The following GRID2 variants were observed in gnomAD, a reference collection of about 807,000 sequenced individuals.
GRID2 encodes glutamate ionotropic receptor delta type subunit 2.
GRID2 carries 33 observed loss-of-function variants against 114.8 expected under a neutral mutation model. The ratio of observed to expected loss-of-function variants is 0.29; its 90% CI spans 0.22 to 0.38. GRID2 has a LOEUF of 0.38. GRID2 is among the 10% of genes least tolerant of loss of function. GRID2 has a pLI of 1.00. For synonymous variants in GRID2, 505 were observed against 449.9 expected, an observed-to-expected ratio of 1.12 and a Z score of -1.55; for missense variants, 1,184 against 1,257.7, an observed-to-expected ratio of 0.94 and a Z score of 0.89.
chr4:93,678,961 C>T (rs1725212431), intron 14 of GRID2, among the ~76,000 whole-genome samples: 1 of 150,890 alleles, frequency 6.6e-6, no homozygotes, highest in Admixed American at 6.6e-5. Context: ...CTGAATCCTC[C>T]AATTAAAAGA....
In GRID2 at chr4:93,707,967, T is replaced by A. The variant is rs569272953; in HGVS notation, c.2361-61243T>A. Among the ~76,000 whole-genome samples, 9 of 152,116 alleles carry A rather than the reference T, an allele frequency of 5.9e-5. No homozygotes were observed. In the South Asian group the frequency reaches 1.9e-3, roughly 31 times the overall value. On this transcript the variant is annotated intron_variant, in intron 14 of 15. Coordinates refer to ENST00000282020, the MANE Select transcript of GRID2 (RefSeq NM_001510.4). ...TGACCCCACTGATCATTCAGGAGCA[T>A]ATTGTTTAATTTCCATATGTTTGTA...
chr4:92,826,298 T>C (rs562382868), intron 2 of GRID2, among the ~76,000 whole-genome samples: 1 of 152,220 alleles, frequency 6.6e-6, no homozygotes, highest in Non-Finnish European at 1.5e-5. Context: ...CATGGATTGA[T>C]TCCTAAGACT....
At chr4:93,331,214 T>A (rs1317808703) in intron 8 of GRID2, among the ~76,000 whole-genome samples, 3 of 144,834 alleles carry the variant, frequency 2.1e-5, no homozygotes, top group African/African-American at 5.2e-5. Flanking sequence ...CCAGAGACAC[T>A]ATGTTCCTTG....
At chr4:92,692,252 T>C (rs1221002667) in intron 2 of GRID2, among the ~76,000 whole-genome samples, 1 of 152,204 alleles carries the variant, frequency 6.6e-6, no homozygotes, top group African/African-American at 2.4e-5. Flanking sequence ...TTCTATTTTG[T>C]TGGGCTTTGG....
intron 1 of GRID2, among the ~76,000 whole-genome samples, chr4:92,413,722 G>T (rs1484634155): frequency 6.6e-6 from 1 of 152,060 alleles, no homozygotes; most frequent in Non-Finnish European, 1.5e-5. Flanking sequence ...ATCTCAAAAA[G>T]AAATGACTGT....
At chr4:92,846,592 C>A (rs909005152) in intron 2 of GRID2, among the ~76,000 whole-genome samples, 1 of 152,038 alleles carries the variant, frequency 6.6e-6, no homozygotes, top group Non-Finnish European at 1.5e-5. Context: ...GGTTTAGATT[C>A]CTACATTCTT....
chr4:92,759,890 T>C (rs1282738324), intron 2 of GRID2, among the ~76,000 whole-genome samples: 1 of 151,432 alleles, frequency 6.6e-6, no homozygotes, highest in African/African-American at 2.4e-5. Context: ...CCTCCCAAAG[T>C]GCTGGGACTG....
At chr4:92,763,274 T>G (rs994806166) in intron 2 of GRID2, among the ~76,000 whole-genome samples, 10 of 152,168 alleles carry the variant, frequency 6.6e-5, no homozygotes, top group African/African-American at 2.2e-4. Context: ...TGAAAAACTA[T>G]GCACAAAGCC....
At chr4:93,144,954 CA>C (rs1736074683) in intron 4 of GRID2, among the ~76,000 whole-genome samples, 1 of 151,406 alleles carries the variant, frequency 6.6e-6, no homozygotes, top group Non-Finnish European at 1.5e-5. Flanking sequence ...AACCACAGGC[CA>C]AAACAAAACC....
intron 2 of GRID2, among the ~76,000 whole-genome samples, chr4:92,704,723 T>TTTCTCTCTCTCTCTCTCTC (rs1734862854): frequency 3.3e-5 from 3 of 90,048 alleles, no homozygotes; most frequent in African/African-American, 1.3e-4. Flanking sequence ...CTCTCTCTCT[T>TTTCTCTCTCTCTCTCTCTC]TCTCTCTCTC....
chr4:92,907,387 C>T (rs763720649), intron 2 of GRID2, among the ~76,000 whole-genome samples: 2 of 151,986 alleles, frequency 1.3e-5, no homozygotes, highest in African/African-American at 2.4e-5. Flanking sequence ...ATCTACCTGT[C>T]CTAGAAACCA....
At chr4:92,965,249 G>A (rs1753061333) in intron 2 of GRID2, among the ~76,000 whole-genome samples, 1 of 151,560 alleles carries the variant, frequency 6.6e-6, no homozygotes, top group South Asian at 2.1e-4. Context: ...TTATGGGCAT[G>A]ATTTGTGTCC....
At chr4:92,838,366 G>A (rs1208760046) in intron 2 of GRID2, among the ~76,000 whole-genome samples, 1 of 151,988 alleles carries the variant, frequency 6.6e-6, no homozygotes, top group Non-Finnish European at 1.5e-5. Flanking sequence ...GTGTCTTTGT[G>A]AGCATGAAAC....
chr4:92,704,729 C>CTCTCTCTCTCTCTCTT (rs1579878677), intron 2 of GRID2, among the ~76,000 whole-genome samples: 1 of 134,668 alleles, frequency 7.4e-6, no homozygotes, highest in Non-Finnish European at 1.7e-5. Flanking sequence ...CTCTTTCTCT[C>CTCTCTCTCTCTCTCTT]TCTCTCTCTC....
intron 2 of GRID2, among the ~76,000 whole-genome samples, chr4:92,774,476 T>C (rs1448370121): frequency 6.6e-6 from 1 of 152,114 alleles, no homozygotes; most frequent in Non-Finnish European, 1.5e-5. Flanking sequence ...GGTACTTTAC[T>C]TATAATGTTT....
At chr4:92,814,345 G>A (rs541187143) in intron 2 of GRID2, among the ~76,000 whole-genome samples, 1 of 152,236 alleles carries the variant, frequency 6.6e-6, no homozygotes, top group Middle Eastern at 3.4e-3. Context: ...CTAAAGAGGA[G>A]TCTAAAGAAT....
At chr4:93,728,656 G>T (rs193003821) in intron 14 of GRID2, among the ~76,000 whole-genome samples, 74 of 152,300 alleles carry the variant, frequency 4.9e-4, no homozygotes, top group African/African-American at 1.7e-3. Context: ...CTTGCTTTAT[G>T]AATCTGGGTG....
intron 2 of GRID2, among the ~76,000 whole-genome samples, chr4:93,066,009 T>C (rs1223771862): frequency 1.6e-4 from 25 of 151,860 alleles, no homozygotes; most frequent in Non-Finnish European, 2.8e-4. Flanking sequence ...TGTATAATGA[T>C]ACCATTTCCA....
intron 2 of GRID2, among the ~76,000 whole-genome samples, chr4:92,892,306 A>G (rs1404107993): frequency 6.6e-6 from 1 of 152,136 alleles, no homozygotes; most frequent in African/African-American, 2.4e-5. Flanking sequence ...TCTGTTAAAA[A>G]AAAATTGAGG....
Sources: gnomAD v4.1 joint callset for allele counts (sites outside exome capture counted in the v4.1 genomes callset) on GRCh38, gnomAD v4.1.1 for gene constraint, MANE v1.5 for transcripts, NCBI Gene and HGNC (gene_info 2026-07-23, HGNC 2026-07-21) for gene names.